SETBP1: variants seen among roughly 807,000 people sequenced by gnomAD.
SETBP1 encodes the protein SET-binding protein.
In SETBP1, 9 loss-of-function variants were observed where a neutral mutation model predicts 101.0. That is an observed-to-expected ratio of 0.09 (90% CI 0.05 to 0.16). The LOEUF (loss-of-function observed/expected upper bound fraction) is 0.16. Ranked by LOEUF, SETBP1 falls within the 10% of genes least tolerant of loss-of-function variation. SETBP1 has a pLI of 1.00. For synonymous variants in SETBP1, 818 were observed against 788.5 expected (o/e 1.04, Z -0.63); for missense variants, 1,858 against 2,033.8 (o/e 0.91, Z 1.66).
At chr18:44,685,291 A>G (rs1409767403) in intron 1 of SETBP1, among the ~76,000 whole-genome samples, 2 of 152,196 alleles carry the variant, frequency 1.3e-5, no homozygotes, top group Non-Finnish European at 1.5e-5. Context: ...ATCTTTTCCC[A>G]CCAAAAATAC....
intron 2 of SETBP1, among the ~76,000 whole-genome samples, chr18:44,792,869 A>C (rs1316851556): frequency 6.6e-6 from 1 of 152,180 alleles, no homozygotes; most frequent in Admixed American, 6.5e-5. Flanking sequence ...AGAAAAAAAA[A>C]AAAGTTTATC....
chr18:44,822,562 A>G (rs2072134648), intron 2 of SETBP1, among the ~76,000 whole-genome samples: 1 of 152,246 alleles, frequency 6.6e-6, no homozygotes, highest in Middle Eastern at 3.2e-3. Flanking sequence ...GAAGATGCGT[A>G]GATGATTAGG....
chr18:44,786,166 G>GA (rs1203753163), intron 2 of SETBP1, among the ~76,000 whole-genome samples: 1 of 152,192 alleles, frequency 6.6e-6, no homozygotes, highest in Non-Finnish European at 1.5e-5. Context: ...CTATGACAGA[G>GA]AATCTCCTTT....
chr18:44,989,652 G>A (rs569489358), intron 4 of SETBP1, among the ~76,000 whole-genome samples: 4 of 151,360 alleles, frequency 2.6e-5, no homozygotes, highest in South Asian at 4.2e-4. Flanking sequence ...GGCGGATCAC[G>A]AGGTCAGGAG....
At chr18:44,880,090 G>A (rs779065365) in intron 3 of SETBP1, among the ~76,000 whole-genome samples, 4 of 152,218 alleles carry the variant, frequency 2.6e-5, no homozygotes, top group Admixed American at 1.3e-4. Context: ...ACATCAGTGA[G>A]GAACTGGACC....
At chr18:45,038,778 G>A (rs2073451842) in intron 5 of SETBP1, 123 bp downstream of exon 5, 1 of 981,996 alleles carries the variant, frequency 1.0e-6, no homozygotes, top group Admixed American at 2.0e-5. Context: ...CCTAGACTCT[G>A]AACATGGGAG....
At chr18:44,835,346 G>A (rs915928805) in intron 2 of SETBP1, among the ~76,000 whole-genome samples, 11 of 152,096 alleles carry the variant, frequency 7.2e-5, no homozygotes, top group South Asian at 4.1e-4. Flanking sequence ...AGGAGGCAGC[G>A]TCGTGTTTGA....
intron 4 of SETBP1, chr18:44,988,724 A>G (rs1051939540): frequency 6.6e-6 from 1 of 152,154 alleles, no homozygotes; most frequent in African/African-American, 2.4e-5. Flanking sequence ...CCTTTCAAAG[A>G]GTGTATTTTA....
chr18:44,884,130 G>A (rs1361719549), intron 3 of SETBP1, among the ~76,000 whole-genome samples: 1 of 152,202 alleles, frequency 6.6e-6, no homozygotes, highest in Non-Finnish European at 1.5e-5. Context: ...AGGCAAGGCA[G>A]TAGACTAGAG....
rs2069110183 is a variant in SETBP1 at position 44,701,240 on chromosome 18, C to T, written c.-107C>T. ...ATCCCTGGGAATCTGACCCTAGCAACTGGACCACTTTGTTCTTGGAATTTT... is the reference window on the plus strand; with the variant it reads ...ATCCCTGGGAATCTGACCCTAGCAATTGGACCACTTTGTTCTTGGAATTTT... On this transcript the variant is annotated 5_prime_UTR_variant, in exon 2 of 6. Transcript: ENST00000649279. The T allele has an allele frequency of 3.1e-6, 4 of 1,293,848 alleles. No individual in the cohort carries two copies. The Admixed American group carries it at 1.2e-4, about 38-fold the overall frequency. 80.1% of individuals were successfully genotyped at this position (1,293,848 alleles called of 1,614,324 possible).
At chr18:45,024,116 T>C (rs1401679783) in intron 4 of SETBP1, among the ~76,000 whole-genome samples, 1 of 152,170 alleles carries the variant, frequency 6.6e-6, no homozygotes, top group Non-Finnish European at 1.5e-5. Flanking sequence ...TTTGCTTTAC[T>C]CTCCTCCTCT....
intron 3 of SETBP1, among the ~76,000 whole-genome samples, chr18:44,896,579 G>C (rs559190057): frequency 6.6e-6 from 1 of 152,174 alleles, no homozygotes; most frequent in Non-Finnish European, 1.5e-5. Flanking sequence ...TACAACCTCT[G>C]CCTCCTGGGT....
At position 44,774,370 on chromosome 18, in the gene SETBP1, T is replaced by TGTGTGG. The variant is rs1420417812; in HGVS notation, c.486+72544_486+72549dup. ...GTATATGTGTTTGAGTGTGTATGTG[T>TGTGTGG]GTGTGGGTGTGTGTGTGTGTGGGTG... On this transcript the variant is annotated intron_variant, in intron 2 of 5. Coordinates refer to ENST00000649279, the MANE Select transcript of SETBP1 (RefSeq NM_015559.3). 7.9e-5 allele frequency among the ~76,000 whole-genome samples: 12 copies of TGTGTGG among 152,038 alleles called. No individual in the cohort carries two copies. In the East Asian group the frequency reaches 2.3e-3, roughly 29 times the overall value.
chr18:45,042,979 T>G (rs763173043), intron 5 of SETBP1, among the ~76,000 whole-genome samples: 1 of 152,140 alleles, frequency 6.6e-6, no homozygotes, highest in African/African-American at 2.4e-5. Context: ...TGTGAGTAAT[T>G]AGGGCTAATG....
In SETBP1 at chr18:45,005,058, G is replaced by A. The variant is rs937780905; in HGVS notation, c.4001-33427G>A. On this transcript the variant is annotated intron_variant, in intron 4 of 5. Coordinates refer to ENST00000649279, the MANE Select transcript of SETBP1 (RefSeq NM_015559.3). ...TGCAGAGTCCTATAAGGGCTTTGGCGCAGCATCTCAGTGAAGGAATGAAAC... is the reference window on the plus strand; with the variant it reads ...TGCAGAGTCCTATAAGGGCTTTGGCACAGCATCTCAGTGAAGGAATGAAAC... 4.6e-5 allele frequency among the ~76,000 whole-genome samples: 7 copies of A among 152,262 alleles called. No individual in the cohort carries two copies. In the East Asian group the frequency reaches 5.8e-4, roughly 13 times the overall value.
chr18:44,730,870 G>T (rs984864749), intron 2 of SETBP1, among the ~76,000 whole-genome samples: 6 of 152,206 alleles, frequency 3.9e-5, no homozygotes, highest in African/African-American at 1.2e-4. Flanking sequence ...AAACTCAGTG[G>T]CATTAAAACT....
At chr18:44,980,091 G>A (rs530840669) in intron 4 of SETBP1, among the ~76,000 whole-genome samples, 9 of 152,214 alleles carry the variant, frequency 5.9e-5, no homozygotes, top group South Asian at 2.1e-4. Context: ...CTGTGGAACC[G>A]GACAATAAGC....
At chr18:44,706,001 G>A (rs1324488099) in intron 2 of SETBP1, among the ~76,000 whole-genome samples, 2 of 152,104 alleles carry the variant, frequency 1.3e-5, no homozygotes, top group Admixed American at 1.3e-4. Context: ...TTTGGGAGAG[G>A]GCCTATGATG....
intron 2 of SETBP1, among the ~76,000 whole-genome samples, chr18:44,780,121 C>T (rs1167736825): frequency 1.3e-5 from 2 of 152,052 alleles, no homozygotes; most frequent in South Asian, 2.1e-4. Context: ...TCTGGGTGTT[C>T]GGAGACAAAA....
Sources: gnomAD v4.1 joint callset for allele counts (sites outside exome capture counted in the v4.1 genomes callset) on GRCh38, gnomAD v4.1.1 for gene constraint, MANE v1.5 for transcripts, NCBI Gene and HGNC (gene_info 2026-07-23, HGNC 2026-07-21) for gene names.